MYO7B: variants seen among roughly 807,000 people sequenced by gnomAD.
MYO7B encodes unconventional myosin-VIIb.
Under a neutral mutation model 259.7 loss-of-function variants are expected in MYO7B, and 212 were observed. The ratio of observed to expected loss-of-function variants is 0.82; its 90% CI spans 0.73 to 0.91. The LOEUF (loss-of-function observed/expected upper bound fraction) is 0.91. MYO7B is among the 40% of genes least tolerant of loss of function. The probability of loss-of-function intolerance (pLI) is 0.00; values close to 1 mark genes in which losing one functional copy is unlikely to be tolerated. For missense variants in MYO7B, 2,732 were observed against 2,813.5 expected (o/e 0.97, Z 0.66); for synonymous variants, 1,197 against 1,166.4 (o/e 1.03, Z -0.54).
chr2:127,574,651 G>T (rs544529609), intron 7 of MYO7B, among the ~76,000 whole-genome samples: 4 of 152,188 alleles, frequency 2.6e-5, no homozygotes, highest in Non-Finnish European at 2.9e-5. Flanking sequence ...GGCTAGTTGG[G>T]TGGGCCGTAT....
intron 21 of MYO7B, among the ~76,000 whole-genome samples, chr2:127,608,046 G>A (rs1680227158): frequency 6.6e-6 from 1 of 152,170 alleles, no homozygotes; most frequent in South Asian, 2.1e-4. Context: ...TGAGCAGGGG[G>A]ACAGCACCAA....
chr2:127,612,728 G>T (rs753044630), intron 26 of MYO7B, 125 bp downstream of exon 26: 13 of 1,410,488 alleles, frequency 9.2e-6, no homozygotes, highest in Non-Finnish European at 1.0e-5. Context: ...CTGCAGGCTG[G>T]GTCTCAGGAC....
intron 35 of MYO7B, 34 bp downstream of exon 35, chr2:127,629,860 TA>T (rs779374522): frequency 6.6e-6 from 10 of 1,522,432 alleles, no homozygotes; most frequent in Non-Finnish European, 8.8e-6. Context: ...TCAGCCTGGG[TA>T]CCCGAGGTCA....
Position 127,574,018 on chromosome 2 carries a change from C to T in MYO7B, c.691C>T (p.Arg231Cys), listed in dbSNP as rs201654332. The T allele has an allele frequency of 8.3e-5, 134 of 1,614,044 alleles. No individual in the cohort carries two copies. Among genetic ancestry groups the T allele is most frequent in the African/African-American group, 7.1e-4 (53 of 75,066 alleles). Residue 231 changes from arginine (R) to cysteine (C), a missense_variant, in exon 7 of 48, where the codon CGC becomes TGC. Transcript: ENST00000409816. ...FNPSGVIEGARIEQFLLEKSR... is the reference protein window; with the variant it reads ...FNPSGVIEGACIEQFLLEKSR... ...CCCCAGCGGGGTGATCGAGGGCGCG[C>T]GCATCGAGCAATTTCTCCTGGAGAA...
chr2:127,571,573 T>C lies in MYO7B; in HGVS notation c.592+1663T>C, dbSNP rs184722733. Among the ~76,000 whole-genome samples the C allele has an allele frequency of 5.6e-3, 851 of 151,652 alleles. 8 individuals are homozygous for C. Among genetic ancestry groups the C allele is most frequent in the Middle Eastern group, 0.017 (5 of 294 alleles). On this transcript the variant is annotated intron_variant, in intron 6 of 47. Transcript: ENST00000409816. ...TCGGCTCACTGCAACCTCTGCCTGT[T>C]AGGTTCAAGCGATTCTCCTGCCTCA...
intron 34 of MYO7B, 149 bp from the exon 35 acceptor site, chr2:127,629,496 C>T: frequency 5.6e-6 from 4 of 715,732 alleles, no homozygotes; most frequent in Non-Finnish European, 8.8e-6. Context: ...CCCTGAGGTT[C>T]CAGTCCCACC....
intron 1 of MYO7B, among the ~76,000 whole-genome samples, chr2:127,538,265 T>A (rs1692868159): frequency 6.6e-6 from 1 of 151,796 alleles, no homozygotes; most frequent in African/African-American, 2.4e-5. Flanking sequence ...TGAAATACGG[T>A]TGAGGGGGGT....
In MYO7B at chr2:127,630,783, G is replaced by T. The variant is rs773555353; in HGVS notation, c.4812G>T (p.Leu1604Phe). The change falls in exon 36 of 48, where the codon TTG becomes TTT. Residue 1604 changes from leucine (L) to phenylalanine (F), a missense_variant. Leu to Phe is a conservative substitution (Grantham distance 22). Around this residue, in one of 3 missense-constraint regions of MYO7B, gnomAD observed 821 missense variants for 769.3 expected, o/e 1.07. Transcript: ENST00000409816. Reference sequence around the variant, plus strand: ...CAGGCCTGTGCCCCCTTCAGAGCTTGCTTGCCATGTCACCAGAGAAGAGGA... The same window carrying T: ...CAGGCCTGTGCCCCCTTCAGAGCTTTCTTGCCATGTCACCAGAGAAGAGGA... ...VTKPSAQLLS[L>F]LAMSPEKRKL... is the part of the protein sequence containing the mutation. The T allele has an allele frequency of 2.2e-5, 36 of 1,612,820 alleles. No individual in the cohort carries two copies. The East Asian group carries it at 8.0e-4, about 36-fold the overall frequency.
intron 29 of MYO7B, 82 bp from the exon 30 acceptor site, chr2:127,624,011 C>G: frequency 8.3e-6 from 11 of 1,317,596 alleles, no homozygotes; most frequent in Non-Finnish European, 1.1e-5. Context: ...CTGTCTTCTA[C>G]GTGCACACGC....
chr2:127,574,109 G>T, intron 7 of MYO7B, 47 bp downstream of exon 7: 1 of 1,608,240 alleles, frequency 6.2e-7, no homozygotes, highest in Non-Finnish European at 8.5e-7. Flanking sequence ...AATGGGGGAG[G>T]TTTCCAAGAG....
In MYO7B at chr2:127,608,802, A is replaced by G. The variant is rs776104325; in HGVS notation, c.2738A>G (p.Glu913Gly). The change falls in exon 22 of 48, where the codon GAG becomes GGG. Residue 913 changes from glutamate (E) to glycine (G), a missense_variant. By Grantham distance (98) the Glu-to-Gly change is moderately conservative. This residue lies in a region of MYO7B where 1,906 missense variants were observed against 2,026.4 expected (regional missense o/e 0.94). Transcript: ENST00000409816. ...ATCTACGACACCGTCACTGACACGG[A>G]GATGGTGGAGAAGGTGTTCGGCTTC... ...RSIYDTVTDT[E>G]MVEKVFGFLP... The G allele has an allele frequency of 4.3e-6, 7 of 1,613,408 alleles. No individual in the cohort carries two copies. The Admixed American group carries it at 1.0e-4, about 23-fold the overall frequency.
chr2:127,591,664 A>G (rs886167308), intron 16 of MYO7B, among the ~76,000 whole-genome samples: 2 of 152,226 alleles, frequency 1.3e-5, no homozygotes, highest in Admixed American at 1.3e-4. Flanking sequence ...GTGACCCTGC[A>G]GGTGGGGTAA....
In MYO7B at chr2:127,576,947, G is replaced by A. The variant is rs1043023367; in HGVS notation, c.849+239G>A. On this transcript the variant is annotated intron_variant, in intron 8 of 47. Transcript: ENST00000409816. The surrounding 1 kb of genome is among the most constrained non-coding windows in gnomAD (Gnocchi z 4.9). Reference sequence around the variant, plus strand: ...CCCAGGCTGGACCCGGGGCCTCCCCGCAGACCTCATCTTCCTTTGGTCCCC... The same window carrying A: ...CCCAGGCTGGACCCGGGGCCTCCCCACAGACCTCATCTTCCTTTGGTCCCC... 3.9e-5 allele frequency among the ~76,000 whole-genome samples: 6 copies of A among 152,094 alleles called. No individual in the cohort carries two copies. The highest frequency in any genetic ancestry group is 1.3e-4 in the Admixed American group (2 of 15,294).
Position 127,613,290 on chromosome 2 carries a change from G to A in MYO7B, c.3398+687G>A, listed in dbSNP as rs1445479247. ...CTTTCTTTTTTCTCTGTGTTCTTTAGATTGGATAGTTTCTATTGACCTGTC... is the reference window on the plus strand; with the variant it reads ...CTTTCTTTTTTCTCTGTGTTCTTTAAATTGGATAGTTTCTATTGACCTGTC... On this transcript the variant is annotated intron_variant, in intron 26 of 47. Coordinates refer to ENST00000409816, the MANE Select transcript of MYO7B (RefSeq NM_001393586.1). This position sits in a 1 kb window ranked among gnomAD's most constrained non-coding sequence, Gnocchi z 4.3. Among the ~76,000 whole-genome samples the A allele has an allele frequency of 2.0e-5, 3 of 151,982 alleles. No individual in the cohort carries two copies. Among genetic ancestry groups the A allele is most frequent in the African/African-American group, 7.2e-5 (3 of 41,380 alleles).
chr2:127,579,474 T>C (rs1679015456), intron 9 of MYO7B, among the ~76,000 whole-genome samples: 1 of 152,156 alleles, frequency 6.6e-6, no homozygotes, highest in African/African-American at 2.4e-5. Flanking sequence ...AGGTGGGTGC[T>C]AACCAGAGGT....
In MYO7B at chr2:127,613,218, A is replaced by G. The variant is rs999198939; in HGVS notation, c.3398+615A>G. Among the ~76,000 whole-genome samples, 40 of 152,028 alleles carry G rather than the reference A, an allele frequency of 2.6e-4. 1 individual carries two copies. Among genetic ancestry groups the G allele is most frequent in the African/African-American group, 9.7e-4 (40 of 41,388 alleles). ...CAAAATCTAATTAAGCCTCTGTAAG[A>G]TTCTTTTATATTGTTCTTCAGGTAC... On this transcript the variant is annotated intron_variant, in intron 26 of 47. Coordinates refer to ENST00000409816, the MANE Select transcript of MYO7B (RefSeq NM_001393586.1). This position sits in a 1 kb window ranked among gnomAD's most constrained non-coding sequence, Gnocchi z 4.3.
At chr2:127,625,228 GA>G in intron 30 of MYO7B, 139 bp from the exon 31 acceptor site, 1 of 983,230 alleles carries the variant, frequency 1.0e-6, no homozygotes. Context: ...GGCATGCAGG[GA>G]GGGGGAAGGT....
In MYO7B at chr2:127,582,390, G is replaced by A. The variant is rs1679137890; in HGVS notation, c.1287G>A (p.Val429=). Residue 429 remains valine (V), a synonymous_variant, in exon 12 of 48, where the codon GTG becomes GTA. Coordinates refer to ENST00000409816, the MANE Select transcript of MYO7B (RefSeq NM_001393586.1). ...CACCAGCCCAGGACCCCAAAAATGT[G>A]CGGAGGGCCATCGGCCTCCTGGACA... The part of the protein sequence containing the change: ...FTPPAQDPKN[V]RRAIGLLDIF... 6.2e-7 allele frequency: 1 copy of A among 1,613,480 alleles called. No individual in the cohort carries two copies. The highest frequency in any genetic ancestry group is 1.1e-5 in the South Asian group (1 of 90,870).
chr2:127,630,080 A>G (rs1172328326), intron 35 of MYO7B, among the ~76,000 whole-genome samples: 2 of 152,106 alleles, frequency 1.3e-5, no homozygotes, highest in Admixed American at 1.3e-4. Flanking sequence ...CGGGGGACAA[A>G]CCCAATCTTT....
Sources: allele counts gnomAD v4.1 joint callset (sites outside exome capture counted in the v4.1 genomes callset), GRCh38; gene constraint gnomAD v4.1.1; regional missense constraint gnomAD v4.1.1; non-coding constraint Gnocchi (gnomAD v3.1); transcripts MANE v1.5; gene names NCBI Gene and HGNC (gene_info 2026-07-23, HGNC 2026-07-21).